The following C1QTNF7 variants were observed in gnomAD, a reference collection of about 807,000 sequenced individuals.
The protein encoded by C1QTNF7 is C1q and TNF related 7.
Under a neutral mutation model 19.6 loss-of-function variants are expected in C1QTNF7, and 15 were observed. That is an observed-to-expected ratio of 0.76 (90% confidence interval 0.51 to 1.18). C1QTNF7 has a LOEUF of 1.18. C1QTNF7 is among the 50% of genes most tolerant of loss of function. The probability of loss-of-function intolerance (pLI) is 0.00; values close to 1 mark genes in which losing one functional copy is unlikely to be tolerated. For synonymous variants in C1QTNF7, 142 were observed against 137.5 expected, an observed-to-expected ratio of 1.03 and a Z score of -0.23; for missense variants, 324 against 359.7, an observed-to-expected ratio of 0.90 and a Z score of 0.80.
chr4:15,439,380 CA>C (rs1477706002), intron 2 of C1QTNF7, among the ~76,000 whole-genome samples: 1 of 152,168 alleles, frequency 6.6e-6, no homozygotes, highest in Non-Finnish European at 1.5e-5. Context: ...AAGGAATTTT[CA>C]AGAGGGTGAG....
At chr4:15,373,933 C>T (rs563931152) in intron 1 of C1QTNF7, 2 of 152,264 alleles carry the variant, frequency 1.3e-5, no homozygotes, top group African/African-American at 2.4e-5. Flanking sequence ...GATACAATTG[C>T]TTTCATCCTG....
intron 1 of C1QTNF7, among the ~76,000 whole-genome samples, chr4:15,353,238 A>T (rs890653749): frequency 5.3e-5 from 8 of 152,158 alleles, no homozygotes; most frequent in African/African-American, 1.9e-4. Flanking sequence ...GTTGCCTTTT[A>T]AAAAAATTAG....
chr4:15,410,476 G>C (rs891913030), intron 1 of C1QTNF7, among the ~76,000 whole-genome samples: 5 of 152,050 alleles, frequency 3.3e-5, no homozygotes, highest in African/African-American at 1.2e-4. Flanking sequence ...GATGGAAAAG[G>C]CATTATAACT....
chr4:15,409,824 G>C (rs142036153), intron 1 of C1QTNF7, among the ~76,000 whole-genome samples: 74 of 152,250 alleles, frequency 4.9e-4, no homozygotes, highest in African/African-American at 1.7e-3. Context: ...GGCTGAAATA[G>C]GACAATACAT....
intron 2 of C1QTNF7, among the ~76,000 whole-genome samples, chr4:15,440,407 T>C (rs1326034452): frequency 6.5e-5 from 1 of 15,290 alleles, no homozygotes; most frequent in Non-Finnish European, 1.8e-4. Context: ...CAGAAGCAAC[T>C]TTTTTTTTTT....
intron 1 of C1QTNF7, among the ~76,000 whole-genome samples, chr4:15,342,802 T>C (rs1442572443): frequency 6.6e-6 from 1 of 152,238 alleles, no homozygotes; most frequent in Admixed American, 6.5e-5. Context: ...CAAAAGTATT[T>C]CCTGGTCAGG....
intron 1 of C1QTNF7, among the ~76,000 whole-genome samples, chr4:15,375,062 C>T (rs1717884421): frequency 6.6e-6 from 1 of 151,842 alleles, no homozygotes; most frequent in African/African-American, 2.4e-5. Flanking sequence ...GATCCATACT[C>T]AAGAGGAGTG....
At chr4:15,405,338 A>G (rs1719153016) in intron 1 of C1QTNF7, among the ~76,000 whole-genome samples, 1 of 152,204 alleles carries the variant, frequency 6.6e-6, no homozygotes, top group African/African-American at 2.4e-5. Context: ...GTGTCCTTTC[A>G]TCAGGAAAGC....
At chr4:15,340,246 C>G in intron 1 of C1QTNF7, 1 of 1,549,902 alleles carries the variant, frequency 6.5e-7, no homozygotes, top group Non-Finnish European at 8.7e-7. Context: ...CTCTTTTTCC[C>G]TCCTATTCGG....
chr4:15,372,790 T>C (rs1560345918), intron 1 of C1QTNF7, among the ~76,000 whole-genome samples: 1 of 152,212 alleles, frequency 6.6e-6, no homozygotes, highest in Non-Finnish European at 1.5e-5. Flanking sequence ...TTTCTCTTTG[T>C]TCTTCATTCT....
At position 15,381,047 on chromosome 4, in the gene C1QTNF7, A is replaced by G. The variant is rs530449399; in HGVS notation, c.13+40840A>G. Among the ~76,000 whole-genome samples the G allele has an allele frequency of 3.9e-5, 6 of 152,354 alleles. No individual in the cohort carries two copies. In the East Asian group the frequency reaches 1.2e-3, roughly 29 times the overall value. On this transcript the variant is annotated intron_variant, in intron 1 of 2. Transcript: ENST00000295297. ...ATATGCCATAAATTCCTATTTCTGA[A>G]AACAATAAATATAGAATTTAATATA...
In C1QTNF7 at chr4:15,435,784, C is replaced by T. The variant is rs1206815555; in HGVS notation, c.41C>T (p.Ala14Val). ...LLYVTSFAIC[A>V]SGQPRGNQLK... ...TATGTTACAAGTTTTGCCATTTGTG[C>T]CAGTGGACAACCCCGGGGTAATCAG... The change falls in exon 2 of 3, where the codon GCC becomes GTC. Residue 14 changes from alanine (A) to valine (V), a missense_variant. By Grantham distance (64) the Ala-to-Val change is moderately conservative (BLOSUM62 0). Coordinates refer to ENST00000444304, the MANE Select transcript of C1QTNF7 (RefSeq NM_031911.5). 9 of 1,614,104 alleles carry T rather than the reference C, an allele frequency of 5.6e-6. No individual in the cohort carries two copies. The South Asian group carries it at 9.9e-5, about 18-fold the overall frequency.
intron 1 of C1QTNF7, among the ~76,000 whole-genome samples, chr4:15,355,803 AAC>A (rs1717124175): frequency 6.6e-6 from 1 of 152,110 alleles, no homozygotes; most frequent in African/African-American, 2.4e-5. Flanking sequence ...CTTTAACAAA[AAC>A]CCTTTGCCCA....
intron 1 of C1QTNF7, among the ~76,000 whole-genome samples, chr4:15,363,245 C>G (rs957348816): frequency 1.3e-5 from 2 of 151,316 alleles, no homozygotes; most frequent in East Asian, 3.9e-4. Context: ...CCAGGTGGAG[C>G]TGTTTTTGTA....
At chr4:15,426,612 A>T (rs1381253518), upstream of C1QTNF7, among the ~76,000 whole-genome samples, 3 of 152,242 alleles carry the variant, frequency 2.0e-5, no homozygotes, top group African/African-American at 7.2e-5. Context: ...CAGAAAAGAA[A>T]ATATGAATAT....
chr4:15,342,300 C>A (rs765786328), intron 1 of C1QTNF7, among the ~76,000 whole-genome samples: 38 of 152,152 alleles, frequency 2.5e-4, no homozygotes, highest in Non-Finnish European at 4.6e-4. Flanking sequence ...GTCAGCCAGG[C>A]TTAGTCCACG....
chr4:15,435,040 T>C (rs1292476271), intron 1 of C1QTNF7, among the ~76,000 whole-genome samples: 1 of 152,122 alleles, frequency 6.6e-6, no homozygotes, highest in Non-Finnish European at 1.5e-5. Context: ...GTCCATAAAT[T>C]CTAAGAAAAC....
chr4:15,426,997 T>A (rs1363374195), upstream of C1QTNF7, among the ~76,000 whole-genome samples: 3 of 152,240 alleles, frequency 2.0e-5, no homozygotes. Context: ...TATGACTAGC[T>A]TCTATGCTCA....
intron 1 of C1QTNF7, among the ~76,000 whole-genome samples, chr4:15,379,768 G>C (rs16891831): frequency 6.6e-6 from 1 of 152,190 alleles, no homozygotes; most frequent in East Asian, 1.9e-4. Context: ...AACCAGATCA[G>C]TTATCATATA....
Sources: gnomAD v4.1 joint callset for allele counts (sites outside exome capture counted in the v4.1 genomes callset) on GRCh38, gnomAD v4.1.1 for gene constraint, MANE v1.5 for transcripts, NCBI Gene and HGNC (gene_info 2026-07-23, HGNC 2026-07-21) for gene names.